Variants in PTPRD observed in about 807,000 individuals in gnomAD.
The protein encoded by PTPRD is receptor-type tyrosine-protein phosphatase delta.
A neutral mutation model predicts 214.5 loss-of-function variants in PTPRD; 34 were observed. The ratio of observed to expected loss-of-function variants is 0.16; its 90% CI spans 0.12 to 0.21. PTPRD has a LOEUF of 0.21. PTPRD is among the 10% of genes least tolerant of loss of function. The pLI is 1.00. For missense variants in PTPRD, 2,545 were observed against 2,398.7 expected, an observed-to-expected ratio of 1.06 and a Z score of -1.27; for synonymous variants, 1,128 against 845.7, an observed-to-expected ratio of 1.33 and a Z score of -5.79.
chr9:9,392,110 G>A (rs1455731180), intron 9 of PTPRD, among the ~76,000 whole-genome samples: 2 of 152,178 alleles, frequency 1.3e-5, no homozygotes. Flanking sequence ...CGGAAAAGCA[G>A]TGAGGCAAAA....
At chr9:10,541,519 C>G (rs10959159) in intron 2 of PTPRD, among the ~76,000 whole-genome samples, 35,642 of 151,548 alleles carry the variant, frequency 0.24, 4,951 homozygotes, top group Non-Finnish European at 0.31. Flanking sequence ...GTGTATTTTC[C>G]GATTCTTATC....
intron 23 of PTPRD, 47 bp downstream of exon 23, chr9:8,504,214 C>T: frequency 1.9e-6 from 3 of 1,603,282 alleles, no homozygotes; most frequent in Non-Finnish European, 2.6e-6. Flanking sequence ...AGCAACATCT[C>T]CCCGAGGAAA....
intron 4 of PTPRD, among the ~76,000 whole-genome samples, chr9:9,961,660 G>A (rs2094373778): frequency 6.6e-6 from 1 of 152,144 alleles, no homozygotes; most frequent in South Asian, 2.1e-4. Context: ...AGTGTGGGAA[G>A]CAGGATGCTG....
intron 3 of PTPRD, among the ~76,000 whole-genome samples, chr9:10,236,487 T>G (rs1156514400): frequency 6.6e-6 from 1 of 151,958 alleles, no homozygotes; most frequent in East Asian, 1.9e-4. Flanking sequence ...TGGACATAAT[T>G]TGCATACTTG....
chr9:9,137,743 C>T (rs1314863874), intron 10 of PTPRD, among the ~76,000 whole-genome samples: 1 of 152,048 alleles, frequency 6.6e-6, no homozygotes, highest in Non-Finnish European at 1.5e-5. Flanking sequence ...AAAAGTGTTT[C>T]TCTGACAGTT....
intron 3 of PTPRD, among the ~76,000 whole-genome samples, chr9:10,302,588 A>G (rs1436882336): frequency 6.6e-6 from 1 of 152,174 alleles, no homozygotes; most frequent in Non-Finnish European, 1.5e-5. Flanking sequence ...AGCAAATAGA[A>G]AGCAAAAATA....
At chr9:10,040,786 A>T (rs963258010) in intron 3 of PTPRD, among the ~76,000 whole-genome samples, 2 of 152,074 alleles carry the variant, frequency 1.3e-5, no homozygotes, top group Non-Finnish European at 2.9e-5. Flanking sequence ...GCACTGATAA[A>T]CCTCACTTTT....
chr9:10,159,910 T>A (rs1240368716), intron 3 of PTPRD, among the ~76,000 whole-genome samples: 4 of 152,056 alleles, frequency 2.6e-5, no homozygotes, highest in African/African-American at 9.6e-5. Context: ...TCAAAAGGGA[T>A]TTGAGCAAGA....
At chr9:8,688,356 G>A (rs1291736864) in intron 12 of PTPRD, among the ~76,000 whole-genome samples, 1 of 151,984 alleles carries the variant, frequency 6.6e-6, no homozygotes, top group Non-Finnish European at 1.5e-5. Context: ...CACAAGTTCA[G>A]GAGATCGAGA....
rs144232423 is a variant in PTPRD at position 9,882,639 on chromosome 9, G to A, written c.-368+55868C>T. ...CTATAAGCCCACTGTAAGGTGGATA[G>A]CAACTGTTGAATTCTCCATTTAGGT... On this transcript the variant is annotated intron_variant, in intron 5 of 45. Transcript: ENST00000381196. 6.6e-3 allele frequency among the ~76,000 whole-genome samples: 999 copies of A among 152,248 alleles called. 3 individuals carry two copies. Among genetic ancestry groups the A allele is most frequent in the Non-Finnish European group, 8.8e-3 (600 of 68,016 alleles).
chr9:9,962,494 G>C (rs1254171459), intron 4 of PTPRD, among the ~76,000 whole-genome samples: 3 of 151,932 alleles, frequency 2.0e-5, no homozygotes, highest in Admixed American at 1.3e-4. Flanking sequence ...AACATTTAAA[G>C]CACAATTCAC....
chr9:8,783,818 G>A (rs2095834808), intron 11 of PTPRD, among the ~76,000 whole-genome samples: 1 of 152,040 alleles, frequency 6.6e-6, no homozygotes, highest in African/African-American at 2.4e-5. Flanking sequence ...CAGGAGGGCA[G>A]GTAAAGAAGA....
intron 39 of PTPRD, among the ~76,000 whole-genome samples, chr9:8,362,359 A>G (rs2078716933): frequency 6.6e-6 from 1 of 152,228 alleles, no homozygotes; most frequent in Non-Finnish European, 1.5e-5. Context: ...ATTTCAGACT[A>G]TAGTACCTCA....
chr9:9,762,918 G>T (rs1254521079), intron 6 of PTPRD, among the ~76,000 whole-genome samples: 2 of 152,172 alleles, frequency 1.3e-5, no homozygotes, highest in Non-Finnish European at 2.9e-5. Flanking sequence ...AGGCTGGGAA[G>T]TTCAATACCA....
chr9:10,145,669 T>C (rs1454072076), intron 3 of PTPRD, among the ~76,000 whole-genome samples: 1 of 151,996 alleles, frequency 6.6e-6, no homozygotes, highest in Admixed American at 6.6e-5. Flanking sequence ...GTGCATGGGA[T>C]TGGTACCATT....
At chr9:8,504,525 A>G in intron 22 of PTPRD, 120 bp from the exon 23 acceptor site, 1 of 1,158,712 alleles carries the variant, frequency 8.6e-7, no homozygotes, top group Non-Finnish European at 1.2e-6. Flanking sequence ...AAATATCACC[A>G]AAAGAGTCAA....
intron 34 of PTPRD, among the ~76,000 whole-genome samples, chr9:8,447,313 A>G (rs894058317): frequency 1.3e-5 from 2 of 152,128 alleles, no homozygotes; most frequent in African/African-American, 4.8e-5. Context: ...TAGTTAAATG[A>G]CACCTTCCTT....
At chr9:8,984,787 A>C (rs2099330662) in intron 11 of PTPRD, among the ~76,000 whole-genome samples, 1 of 152,120 alleles carries the variant, frequency 6.6e-6, no homozygotes, top group African/African-American at 2.4e-5. Flanking sequence ...TATGATAAGA[A>C]TGTACCTCTG....
At chr9:9,864,856 T>C (rs1215273386) in intron 5 of PTPRD, among the ~76,000 whole-genome samples, 1 of 152,166 alleles carries the variant, frequency 6.6e-6, no homozygotes, top group Non-Finnish European at 1.5e-5. Context: ...TTATTCACAT[T>C]AAAATTTATT....
Sources: gnomAD v4.1 joint callset for allele counts (sites outside exome capture counted in the v4.1 genomes callset) on GRCh38, gnomAD v4.1.1 for gene constraint, MANE v1.5 for transcripts, NCBI Gene and HGNC (gene_info 2026-07-23, HGNC 2026-07-21) for gene names.